The following PEAK1 variants were observed in gnomAD, a reference collection of about 807,000 sequenced individuals.
PEAK1 encodes inactive tyrosine-protein kinase PEAK1.
In PEAK1, 54 loss-of-function variants were observed where a neutral mutation model predicts 124.7. That is an observed-to-expected ratio of 0.43 (90% confidence interval 0.35 to 0.54). The LOEUF is 0.54. Ranked by LOEUF, PEAK1 falls within the 20% of genes least tolerant of loss-of-function variation. The probability of loss-of-function intolerance (pLI) is 0.01; values close to 1 mark genes in which losing one functional copy is unlikely to be tolerated. For synonymous variants in PEAK1, 719 were observed against 760.0 expected (o/e 0.95, Z 0.89); for missense variants, 2,046 against 2,134.5 (o/e 0.96, Z 0.82).
downstream of PEAK1, chr15:77,105,919 T>G (rs941091433): frequency 1.7e-4 from 26 of 152,160 alleles, no homozygotes; most frequent in African/African-American, 6.3e-4. Flanking sequence ...AATGGAATTC[T>G]CAGGAATGAA....
At chr15:77,365,401 T>G (rs1025748404) in intron 1 of PEAK1, among the ~76,000 whole-genome samples, 176 bp from the exon 2 acceptor site, 1 of 152,232 alleles carries the variant, frequency 6.6e-6, no homozygotes, top group Non-Finnish European at 1.5e-5. Flanking sequence ...TCCTGGACTT[T>G]CTATTGCCTT....
chr15:77,352,589 C>A, intron 2 of PEAK1: 1 of 946,042 alleles, frequency 1.1e-6, no homozygotes, highest in African/African-American at 1.8e-5. Context: ...TATAAAACTA[C>A]AAATTGAGAA....
chr15:77,162,286 G>C (rs573744818), intron 7 of PEAK1, among the ~76,000 whole-genome samples: 2 of 152,038 alleles, frequency 1.3e-5, no homozygotes, highest in African/African-American at 2.4e-5. Context: ...CTGAGGTCAG[G>C]GGTTCGAGAT....
chr15:77,378,978 T>C (rs1328618573), intron 1 of PEAK1, among the ~76,000 whole-genome samples: 1 of 152,194 alleles, frequency 6.6e-6, no homozygotes, highest in Non-Finnish European at 1.5e-5. Flanking sequence ...GAAACAACTG[T>C]AGTTCAGCTG....
intron 2 of PEAK1, among the ~76,000 whole-genome samples, chr15:77,316,372 A>G (rs181508742): frequency 1.9e-3 from 287 of 152,318 alleles, no homozygotes; most frequent in Non-Finnish European, 2.7e-3. Context: ...ATATCTATTT[A>G]TCTATGTACT....
At chr15:77,277,883 G>A (rs1425870682) in intron 5 of PEAK1, among the ~76,000 whole-genome samples, 3 of 152,132 alleles carry the variant, frequency 2.0e-5, no homozygotes, top group African/African-American at 7.2e-5. Flanking sequence ...AGAATGCACA[G>A]GATTTTTAGG....
At chr15:77,336,167 C>G in intron 2 of PEAK1, 2 of 985,402 alleles carry the variant, frequency 2.0e-6, no homozygotes, top group Non-Finnish European at 2.4e-6. Context: ...AGACCTGCAC[C>G]TACTTGTTCT....
chr15:77,181,258 GC>G lies in PEAK1; in HGVS notation c.668del (p.Gly223AlafsTer44), dbSNP rs2057252812. On this transcript the variant is annotated frameshift_variant, in exon 7 of 10. Transcript: ENST00000682557. LOFTEE classifies it high-confidence loss of function. The stretch of plus-strand genomic sequence containing the variant: ...TGGAAAACTCTGGGTAACAGAACCG[GC>G]CCCCTTCATTACTAATCACTTCTGT... Reference protein sequence around the residue: ...GSTEVISNEGGRFCYPEFSSG... With the variant: ...GSTEVISNEGXRFCYPEFSSG... 1 of 1,613,706 alleles carries G rather than the reference GC, an allele frequency of 6.2e-7. No homozygotes were observed. The highest frequency in any genetic ancestry group is 8.5e-7 in the Non-Finnish European group (1 of 1,179,964).
chr15:77,256,144 G>A (rs1463967832), intron 5 of PEAK1, among the ~76,000 whole-genome samples: 4 of 152,038 alleles, frequency 2.6e-5, no homozygotes, highest in Non-Finnish European at 5.9e-5. Context: ...GTACTAATTT[G>A]GGAACATTAA....
rs201997495 is a variant in PEAK1, at chr15:77,181,517, T to C, written c.410A>G (p.Asp137Gly). ...SHVPKPYGNN[D>G]SAKKMSDNNN... ...GTTATCTGACATCTTCTTTGCACTA[T>C]CATTATTGCCATAAGGCTTAGGAAC... Residue 137 changes from aspartate (D) to glycine (G), a missense_variant, in exon 7 of 10, where the codon GAT (aspartate) becomes GGT (glycine). Coordinates refer to ENST00000682557, the MANE Select transcript of PEAK1 (RefSeq NM_001385026.1). The C allele has an allele frequency of 3.2e-5, 52 of 1,614,016 alleles. No homozygotes were observed. Among genetic ancestry groups the C allele is most frequent in the Non-Finnish European group, 4.1e-5 (48 of 1,180,000 alleles).
chr15:77,166,980 G>T (rs1175895598), intron 7 of PEAK1, among the ~76,000 whole-genome samples: 1 of 151,970 alleles, frequency 6.6e-6, no homozygotes, highest in Non-Finnish European at 1.5e-5. Flanking sequence ...CCATCTCTAG[G>T]GATTGATTTA....
intron 6 of PEAK1, among the ~76,000 whole-genome samples, chr15:77,224,526 T>C (rs1446215624): frequency 1.3e-5 from 2 of 152,052 alleles, no homozygotes; most frequent in African/African-American, 4.8e-5. Context: ...GAGTAAGCTC[T>C]TTAAAAATGC....
chr15:77,199,702 G>A (rs1350435825), intron 6 of PEAK1, among the ~76,000 whole-genome samples: 1 of 152,140 alleles, frequency 6.6e-6, no homozygotes, highest in African/African-American at 2.4e-5. Flanking sequence ...GTCGAGATAT[G>A]GCTCTTGGAG....
At chr15:77,392,755 A>G (rs2070581126) in intron 1 of PEAK1, among the ~76,000 whole-genome samples, 1 of 152,198 alleles carries the variant, frequency 6.6e-6, no homozygotes, top group Non-Finnish European at 1.5e-5. Context: ...ATCCACACCA[A>G]TCGTCCTCCC....
At chr15:77,245,528 G>C (rs1358376878) in intron 6 of PEAK1, among the ~76,000 whole-genome samples, 1 of 151,838 alleles carries the variant, frequency 6.6e-6, no homozygotes, top group Non-Finnish European at 1.5e-5. Context: ...ATGAAACCCT[G>C]TCTCTACTAA....
chr15:77,172,586 AAAGAGGGGGCTAGTTCAGCTTC>A (rs1219567957), intron 7 of PEAK1, among the ~76,000 whole-genome samples: 2 of 152,182 alleles, frequency 1.3e-5, no homozygotes, highest in African/African-American at 2.4e-5. Context: ...GTGGTTCATG[AAAGAGGGGGCTAGTTCAGCTTC>A]ACAACTCAAA....
chr15:77,269,949 A>C (rs1275954519), intron 5 of PEAK1, among the ~76,000 whole-genome samples: 1 of 152,198 alleles, frequency 6.6e-6, no homozygotes, highest in Non-Finnish European at 1.5e-5. Flanking sequence ...ATTCAGGAGC[A>C]GGCTGTTCAG....
At chr15:77,161,669 G>A (rs2055653108) in intron 7 of PEAK1, among the ~76,000 whole-genome samples, 1 of 152,146 alleles carries the variant, frequency 6.6e-6, no homozygotes, top group Non-Finnish European at 1.5e-5. Flanking sequence ...ATAGCTCTTT[G>A]TATGATTAAA....
intron 2 of PEAK1, chr15:77,348,886 C>A (rs1230614804): frequency 2.1e-6 from 2 of 941,224 alleles, no homozygotes; most frequent in Non-Finnish European, 2.5e-6. Context: ...AAGCAATCCT[C>A]TTGCCTTGGC....
Sources: allele counts gnomAD v4.1 joint callset (sites outside exome capture counted in the v4.1 genomes callset), GRCh38; gene constraint gnomAD v4.1.1; transcripts MANE v1.5; gene names NCBI Gene and HGNC (gene_info 2026-07-23, HGNC 2026-07-21).